SGMS1: variants seen among roughly 807,000 people sequenced by gnomAD.
SGMS1 encodes phosphatidylcholine:ceramide cholinephosphotransferase 1.
SGMS1 carries 13 observed loss-of-function variants against 46.2 expected under a neutral mutation model. The ratio of observed to expected loss-of-function variants is 0.28; its 90% confidence interval spans 0.18 to 0.45. The LOEUF is 0.45. Ranked by LOEUF, SGMS1 falls within the 20% of genes least tolerant of loss-of-function variation. The probability of loss-of-function intolerance (pLI) is 1.00; values close to 1 mark genes in which losing one functional copy is unlikely to be tolerated. For missense variants in SGMS1, 324 were observed against 519.9 expected (o/e 0.62, Z 3.66); for synonymous variants, 203 against 187.8 (o/e 1.08, Z -0.66).
intron 6 of SGMS1, among the ~76,000 whole-genome samples, chr10:50,356,204 T>C (rs1437219529): frequency 6.6e-6 from 1 of 152,260 alleles, no homozygotes; most frequent in African/African-American, 2.4e-5. Context: ...CATTTTGTTC[T>C]CTACTAAGAA....
intron 6 of SGMS1, among the ~76,000 whole-genome samples, chr10:50,379,324 T>C (rs1006817555): frequency 6.6e-6 from 1 of 152,182 alleles, no homozygotes; most frequent in South Asian, 2.1e-4. Context: ...CAGAATACCA[T>C]GTGGTCATTT....
chr10:50,502,885 C>T (rs1223067450), intron 3 of SGMS1, among the ~76,000 whole-genome samples: 2 of 152,148 alleles, frequency 1.3e-5, no homozygotes, highest in Non-Finnish European at 2.9e-5. Context: ...AAAAAATTCT[C>T]AGCACAGATC....
rs1837253776 is a variant in SGMS1, at chr10:50,460,717, A to T, written c.-357T>A. The T allele has an allele frequency of 6.6e-6, 1 of 152,338 alleles. No homozygotes were observed. Among genetic ancestry groups the T allele is most frequent in the Non-Finnish European group, 1.5e-5 (1 of 68,024 alleles). The allele number at this position is 152,338 out of a possible 1,614,324, so 9.4% of individuals were successfully genotyped here. On this transcript the variant is annotated 5_prime_UTR_variant, in exon 5 of 11. Transcript: ENST00000361781. ...GCATTTATCAACAGGTTCCTTTAAAAGTATTCTCAGGTACGCTTGCTGAGG... is the reference window on the plus strand; with the variant it reads ...GCATTTATCAACAGGTTCCTTTAAATGTATTCTCAGGTACGCTTGCTGAGG...
chr10:50,342,766 C>T lies in SGMS1; in HGVS notation c.623+726G>A, dbSNP rs373351080. ...TCAGTGAAGGGACAATGTAGGCAAC[C>T]CCAGTAAACAGCCAGTCTGAGGGGG... On this transcript the variant is annotated intron_variant, in intron 7 of 10. Transcript: ENST00000361781. 11 of 152,140 alleles carry T rather than the reference C, an allele frequency of 7.2e-5. No homozygotes were observed. The East Asian group carries it at 1.3e-3, about 19-fold the overall frequency. The allele number at this position is 152,140 out of a possible 1,614,324, so 9.4% of individuals were successfully genotyped here.
chr10:50,566,437 T>C (rs1436764805), intron 2 of SGMS1, among the ~76,000 whole-genome samples: 2 of 152,236 alleles, frequency 1.3e-5, no homozygotes, highest in African/African-American at 2.4e-5. Context: ...TACTTTACTC[T>C]GTTGACAGCT....
intron 2 of SGMS1, among the ~76,000 whole-genome samples, chr10:50,538,896 T>C (rs55980134): frequency 4.2e-3 from 639 of 152,346 alleles, no homozygotes; most frequent in Non-Finnish European, 6.3e-3. Flanking sequence ...GGTTAAAGTC[T>C]GCCATGAAAT....
Position 50,468,807 on chromosome 10 carries a change from T to C in SGMS1, c.-497-1875A>G, listed in dbSNP as rs537082951. ...GGCATTTGACAGGAAGAAAATAAAATATCTACCTTTTAAGGCAATATGTAA... is the reference window on the plus strand; with the variant it reads ...GGCATTTGACAGGAAGAAAATAAAACATCTACCTTTTAAGGCAATATGTAA... On this transcript the variant is annotated intron_variant, in intron 3 of 10. Coordinates refer to ENST00000361781, the MANE Select transcript of SGMS1 (RefSeq NM_147156.4). Among the ~76,000 whole-genome samples, 9 of 152,348 alleles carry C rather than the reference T, an allele frequency of 5.9e-5. No homozygotes were observed. In the East Asian group the frequency reaches 1.4e-3, roughly 23 times the overall value.
At chr10:50,346,173 G>A (rs1238387160) in intron 6 of SGMS1, among the ~76,000 whole-genome samples, 1 of 152,102 alleles carries the variant, frequency 6.6e-6, no homozygotes, top group African/African-American at 2.4e-5. Flanking sequence ...TGATAATCAA[G>A]TATTTCCTTC....
intron 3 of SGMS1, among the ~76,000 whole-genome samples, chr10:50,487,128 T>C (rs1286277818): frequency 1.3e-5 from 2 of 151,944 alleles, no homozygotes; most frequent in African/African-American, 4.8e-5. Context: ...GGATGCATAG[T>C]GGGGAACAAC....
chr10:50,338,576 C>T (rs1428397143), intron 7 of SGMS1, among the ~76,000 whole-genome samples: 1 of 152,160 alleles, frequency 6.6e-6, no homozygotes, highest in Non-Finnish European at 1.5e-5. Flanking sequence ...GAGAAAGATA[C>T]TGCAACAGAA....
chr10:50,448,137 G>A (rs534289628), intron 5 of SGMS1, among the ~76,000 whole-genome samples: 2 of 152,194 alleles, frequency 1.3e-5, no homozygotes, highest in Admixed American at 1.3e-4. Flanking sequence ...ATATTCAGCT[G>A]TTTGGGAAGC....
intron 6 of SGMS1, among the ~76,000 whole-genome samples, chr10:50,431,891 A>C (rs996661118): frequency 6.6e-6 from 1 of 152,202 alleles, no homozygotes; most frequent in African/African-American, 2.4e-5. Context: ...TAACAGCCAG[A>C]ATAGGCAAGC....
chr10:50,309,806 C>T (rs1322763676), intron 9 of SGMS1, among the ~76,000 whole-genome samples: 2 of 152,166 alleles, frequency 1.3e-5, no homozygotes, highest in African/African-American at 4.8e-5. Flanking sequence ...TAGGTTTCGA[C>T]CCAGTCCACT....
At position 50,343,671 on chromosome 10, in the gene SGMS1, G is replaced by A; in HGVS notation, c.444C>T (p.Leu148=). 6.2e-7 allele frequency: 1 copy of A among 1,614,140 alleles called. No individual in the cohort carries two copies. Among genetic ancestry groups the A allele is most frequent in the South Asian group, 1.1e-5 (1 of 91,074 alleles). The change falls in exon 7 of 11, where the codon CTC becomes CTT. Residue 148 remains leucine (L), a synonymous_variant. Transcript: ENST00000361781. ...GGACGACCGAGATCATCACTGTGGT[G>A]AGAACGAAACAGGAAAGTGCATAAA... is the stretch of plus-strand genomic sequence containing the variant. ...AFLYALSCFV[L]TTVMISVVHE...
chr10:50,565,206 A>G (rs560319763), intron 2 of SGMS1, among the ~76,000 whole-genome samples: 1 of 152,304 alleles, frequency 6.6e-6, no homozygotes, highest in Admixed American at 6.5e-5. Context: ...TGTCTTACTT[A>G]ACTCAGTATC....
chr10:50,540,304 A>C (rs982680389), intron 2 of SGMS1, among the ~76,000 whole-genome samples: 1 of 152,208 alleles, frequency 6.6e-6, no homozygotes, highest in Admixed American at 6.5e-5. Flanking sequence ...GTGATAAATT[A>C]GTAATAAATA....
chr10:50,525,642 C>T (rs757395040), intron 2 of SGMS1, among the ~76,000 whole-genome samples: 7 of 152,176 alleles, frequency 4.6e-5, no homozygotes, highest in Non-Finnish European at 1.0e-4. Flanking sequence ...AAGTAAAAAT[C>T]ACTGAAACAT....
chr10:50,316,965 C>T (rs997939783), intron 8 of SGMS1, among the ~76,000 whole-genome samples: 5 of 152,160 alleles, frequency 3.3e-5, no homozygotes, highest in African/African-American at 1.2e-4. Context: ...AACTAGTGAG[C>T]TTTTGGCTAT....
At chr10:50,587,044 G>A (rs926137701) in intron 2 of SGMS1, among the ~76,000 whole-genome samples, 5 of 152,162 alleles carry the variant, frequency 3.3e-5, no homozygotes, top group African/African-American at 1.2e-4. Context: ...ACACAAAAGA[G>A]TACAATCTGC....
Sources: gnomAD v4.1 joint callset for allele counts (sites outside exome capture counted in the v4.1 genomes callset) on GRCh38, gnomAD v4.1.1 for gene constraint, MANE v1.5 for transcripts, NCBI Gene and HGNC (gene_info 2026-07-23, HGNC 2026-07-21) for gene names.